The following NMNAT3 variants were observed in gnomAD, a reference collection of about 807,000 sequenced individuals.
The protein encoded by NMNAT3 is nicotinamide/nicotinic acid mononucleotide adenylyltransferase 3.
NMNAT3 carries 21 observed loss-of-function variants against 24.8 expected under a neutral mutation model. The observed-to-expected ratio is 0.85, with a 90% CI of 0.60 to 1.22. The LOEUF (loss-of-function observed/expected upper bound fraction) is 1.22. NMNAT3 is among the 50% of genes most tolerant of loss of function. The pLI is 0.00. For missense variants in NMNAT3, 387 were observed against 436.6 expected, an observed-to-expected ratio of 0.89 and a Z score of 1.01; for synonymous variants, 136 against 155.2, an observed-to-expected ratio of 0.88 and a Z score of 0.92.
intron 6 of NMNAT3, among the ~76,000 whole-genome samples, chr3:139,571,728 G>T (rs1232117497): frequency 6.6e-6 from 1 of 152,120 alleles, no homozygotes; most frequent in Non-Finnish European, 1.5e-5. Context: ...CAGGGAAGGT[G>T]AATTCTGAAC....
chr3:139,651,205 G>T (rs2057044643), intron 1 of NMNAT3, among the ~76,000 whole-genome samples: 1 of 152,050 alleles, frequency 6.6e-6, no homozygotes. Flanking sequence ...GAAGAACTTT[G>T]GTAGAAAGTA....
chr3:139,571,555 A>G (rs1938347412), intron 6 of NMNAT3: 1 of 151,992 alleles, frequency 6.6e-6, no homozygotes, highest in South Asian at 2.1e-4. Context: ...AGAACAAGTG[A>G]GTGGGATTTA....
chr3:139,627,267 A>G (rs928285344), intron 3 of NMNAT3, among the ~76,000 whole-genome samples: 1 of 152,142 alleles, frequency 6.6e-6, no homozygotes, highest in African/African-American at 2.4e-5. Context: ...TTTCTAAGGC[A>G]CATGCTACCT....
At chr3:139,645,108 A>C (rs2056828992) in intron 1 of NMNAT3, among the ~76,000 whole-genome samples, 1 of 152,180 alleles carries the variant, frequency 6.6e-6, no homozygotes, top group African/African-American at 2.4e-5. Context: ...AGGCTGAGGC[A>C]GGAGAATCGC....
intron 3 of NMNAT3, among the ~76,000 whole-genome samples, chr3:139,607,684 T>C (rs539361994): frequency 6.4e-4 from 98 of 152,206 alleles, no homozygotes; most frequent in African/African-American, 2.3e-3. Context: ...TGTGATCCCA[T>C]TGTTCCAATA....
At chr3:139,668,373 T>C (rs1335155111) in intron 1 of NMNAT3, among the ~76,000 whole-genome samples, 2 of 152,204 alleles carry the variant, frequency 1.3e-5, no homozygotes, top group African/African-American at 2.4e-5. Context: ...ACAAATGACT[T>C]CAAACAAACT....
intron 3 of NMNAT3, among the ~76,000 whole-genome samples, chr3:139,624,394 C>T (rs1204657260): frequency 9.9e-5 from 15 of 151,452 alleles, no homozygotes; most frequent in Admixed American, 9.9e-4. Context: ...TAATGTAATT[C>T]CACTGTGGTC....
At chr3:139,596,113 T>A (rs1461066640) in intron 3 of NMNAT3, among the ~76,000 whole-genome samples, 1 of 152,202 alleles carries the variant, frequency 6.6e-6, no homozygotes, top group Non-Finnish European at 1.5e-5. Context: ...TCCCTTTTCG[T>A]ATGACCTATG....
chr3:139,563,034 C>T (rs1320680127), intron 6 of NMNAT3, among the ~76,000 whole-genome samples: 1 of 152,202 alleles, frequency 6.6e-6, no homozygotes, highest in East Asian at 1.9e-4. Flanking sequence ...TATTACCCTT[C>T]ATTTATTCAT....
intron 3 of NMNAT3, among the ~76,000 whole-genome samples, chr3:139,593,561 G>C (rs1423056455): frequency 3.9e-5 from 6 of 152,118 alleles, no homozygotes; most frequent in Non-Finnish European, 8.8e-5. Context: ...ATAGTTGGAA[G>C]TAAAGCACTC....
chr3:139,647,794 C>T (rs988911362), intron 1 of NMNAT3, among the ~76,000 whole-genome samples: 10 of 151,632 alleles, frequency 6.6e-5, no homozygotes, highest in Non-Finnish European at 1.3e-4. Context: ...ATACTGATTT[C>T]GAACTTTTGG....
Position 139,560,801 on chromosome 3 carries a change from T to C in NMNAT3, c.*209A>G. On this transcript the variant is annotated 3_prime_UTR_variant, in exon 7 of 7. Transcript: ENST00000643695. ...TGCCACACCATTTTAACTTCTTTGA[T>C]AAATGTCTATCCTTGTGATTTAGAC... The C allele has an allele frequency of 3.6e-6, 2 of 557,436 alleles. No homozygotes were observed. Among genetic ancestry groups the C allele is most frequent in the Non-Finnish European group, 6.3e-6 (2 of 317,564 alleles). 34.5% of individuals were successfully genotyped at this position (557,436 alleles called of 1,614,324 possible).
chr3:139,591,250 G>A (rs528325743), intron 3 of NMNAT3, among the ~76,000 whole-genome samples: 2 of 151,782 alleles, frequency 1.3e-5, no homozygotes, highest in Non-Finnish European at 2.9e-5. Context: ...CGAATATTGC[G>A]CTTTTCAGAC....
At chr3:139,577,191 C>T (rs959064945) in intron 5 of NMNAT3, among the ~76,000 whole-genome samples, 1 of 152,040 alleles carries the variant, frequency 6.6e-6, no homozygotes, top group African/African-American at 2.4e-5. Flanking sequence ...CTGTATTTTG[C>T]AGCAGAAGCA....
intron 1 of NMNAT3, among the ~76,000 whole-genome samples, chr3:139,663,076 G>A (rs1365409112): frequency 6.6e-6 from 1 of 152,166 alleles, no homozygotes; most frequent in Non-Finnish European, 1.5e-5. Flanking sequence ...AGTCCAAAAG[G>A]GACTACAGTT....
chr3:139,570,154 A>G (rs1309184323), intron 6 of NMNAT3: 3 of 152,104 alleles, frequency 2.0e-5, no homozygotes, highest in African/African-American at 7.2e-5. Flanking sequence ...AGGCTTCTAC[A>G]TTCGTCAGGT....
intron 6 of NMNAT3, chr3:139,566,628 C>G (rs958330605): frequency 1.3e-5 from 2 of 152,052 alleles, no homozygotes; most frequent in African/African-American, 4.8e-5. Flanking sequence ...GAATCCTTTC[C>G]CCATTGCTTG....
rs79015886 is a variant in NMNAT3 at position 139,614,241 on chromosome 3, TA to T, written c.109+13374del. 3.1e-3 allele frequency among the ~76,000 whole-genome samples: 445 copies of T among 142,202 alleles called. 1 individual carries two copies. The highest frequency in any genetic ancestry group is 8.8e-3 in the South Asian group (39 of 4,452). 93.3% of individuals were successfully genotyped at this position (142,202 alleles called of 152,430 possible). ...TATGTATACATTTATGATATTTTAC[TA>T]AAAAAAAAAAAAACTTTCAATGTGT... On this transcript the variant is annotated intron_variant, in intron 3 of 6. Coordinates refer to ENST00000643695, the MANE Select transcript of NMNAT3 (RefSeq NM_001320510.2).
intron 2 of NMNAT3, chr3:139,637,261 G>A (rs972157557): frequency 1.3e-5 from 2 of 152,164 alleles, no homozygotes; most frequent in Non-Finnish European, 2.9e-5. Flanking sequence ...TCTGCTCTGT[G>A]TTATCTTTGT....
Sources: gnomAD v4.1 joint callset for allele counts (sites outside exome capture counted in the v4.1 genomes callset) on GRCh38, gnomAD v4.1.1 for gene constraint, MANE v1.5 for transcripts, NCBI Gene and HGNC (gene_info 2026-07-23, HGNC 2026-07-21) for gene names.